DCAF4: variants seen among roughly 807,000 people sequenced by gnomAD.
The protein encoded by DCAF4 is DDB1 and CUL4 associated factor 4.
A neutral mutation model predicts 60.9 loss-of-function variants in DCAF4; 37 were observed. The observed-to-expected ratio is 0.61, with a 90% confidence interval of 0.47 to 0.80. The LOEUF is 0.80. DCAF4 is among the 30% of genes least tolerant of loss of function. DCAF4 has a pLI of 0.00. For synonymous variants in DCAF4, 243 were observed against 254.8 expected, an observed-to-expected ratio of 0.95 and a Z score of 0.44; for missense variants, 577 against 650.0, an observed-to-expected ratio of 0.89 and a Z score of 1.22.
chr14:72,939,739 C>A, intron 2 of DCAF4, 63 bp from the exon 3 acceptor site: 2 of 1,437,404 alleles, frequency 1.4e-6, no homozygotes, highest in Non-Finnish European at 1.9e-6. Context: ...GACTCCCTGC[C>A]CCCGTCAGAA....
At chr14:72,956,825 G>T in intron 13 of DCAF4, 1 of 299,936 alleles carries the variant, frequency 3.3e-6, no homozygotes, top group East Asian at 1.1e-4. Context: ...ATTCCACCAC[G>T]CAACTATCTT....
intron 1 of DCAF4, among the ~76,000 whole-genome samples, chr14:72,928,636 T>G (rs1888050502): frequency 6.6e-6 from 1 of 150,736 alleles, no homozygotes; most frequent in African/African-American, 2.4e-5. Flanking sequence ...ACCCTAAAAT[T>G]AACTTTTTTA....
intron 5 of DCAF4, 149 bp from the exon 6 acceptor site, chr14:72,942,845 A>C (rs1890226809): frequency 1.5e-6 from 1 of 656,724 alleles, no homozygotes; most frequent in Non-Finnish European, 2.6e-6. Flanking sequence ...ATAATCTGGG[A>C]TCTTGCTCAG....
At chr14:72,942,734 G>A (rs1890211494) in intron 5 of DCAF4, 1 of 468,302 alleles carries the variant, frequency 2.1e-6, no homozygotes, top group African/African-American at 2.0e-5. Flanking sequence ...GAATGATGCA[G>A]ACACAACTCC....
chr14:72,950,925 AGAG>A (rs1201387213), intron 8 of DCAF4, among the ~76,000 whole-genome samples: 2 of 152,128 alleles, frequency 1.3e-5, no homozygotes, highest in Non-Finnish European at 1.5e-5. Context: ...CTCTCTGAGT[AGAG>A]GAGAAGGGAG....
At chr14:72,953,764 G>A (rs2806035) in intron 9 of DCAF4, among the ~76,000 whole-genome samples, 29 of 19,060 alleles carry the variant, frequency 1.5e-3, no homozygotes, top group Non-Finnish European at 2.5e-3. Flanking sequence ...TATATATATA[G>A]TTTATTTATT....
At position 72,959,407 on chromosome 14, in the gene DCAF4, ATCT is replaced by A; in HGVS notation, c.*607_*609del. On this transcript the variant is annotated 3_prime_UTR_variant, in exon 14 of 14. Transcript: ENST00000358377. ...CCAAAGGCGTTGGAAGGAAAGATGG[ATCT>A]TCTTACATGCTAGAAGTTTTAAACG... is the stretch of plus-strand genomic sequence containing the variant. The A allele has an allele frequency of 2.0e-6, 2 of 985,460 alleles. No homozygotes were observed. Among genetic ancestry groups the A allele is most frequent in the Non-Finnish European group, 2.4e-6 (2 of 829,958 alleles). 61.0% of individuals were successfully genotyped at this position (985,460 alleles called of 1,614,324 possible). A position where few individuals can be genotyped will look rare whatever the true frequency, so the allele number is the denominator to read the frequency against.
rs751963920 is a variant in DCAF4 at position 72,947,121 on chromosome 14, C to T, written c.679-21C>T. ...ATTACTGTAGAATAACTTTCCATCT[C>T]GCTGTGTGCTTCCTCACCAGGTGAA... On this transcript the variant is annotated intron_variant, in intron 7 of 13. Coordinates refer to ENST00000358377, the MANE Select transcript of DCAF4 (RefSeq NM_015604.4). 27 of 1,614,106 alleles carry T rather than the reference C, an allele frequency of 1.7e-5. No homozygotes were observed. In the South Asian group the frequency reaches 2.4e-4, roughly 14 times the overall value.
Position 72,955,627 on chromosome 14 carries a change from T to A in DCAF4, c.1110T>A (p.Asp370Glu). 6 of 1,614,206 alleles carry A rather than the reference T, an allele frequency of 3.7e-6. No individual in the cohort carries two copies. The highest frequency in any genetic ancestry group is 5.1e-6 in the Non-Finnish European group (6 of 1,180,030). ...KGWKATRLFH[D>E]SAVTSVRILQ... Reference sequence around the variant, plus strand: ...GGAAGGCCACCCGCCTGTTTCATGATTCAGCAGTGACCTCTGTGCGGATCC... The same window carrying A: ...GGAAGGCCACCCGCCTGTTTCATGAATCAGCAGTGACCTCTGTGCGGATCC... Residue 370 changes from aspartate to glutamate, a missense_variant, in exon 12 of 14, where the codon GAT (aspartate) becomes GAA (glutamate). By Grantham distance (45) the Asp-to-Glu change is conservative. Transcript: ENST00000358377.
intron 9 of DCAF4, among the ~76,000 whole-genome samples, chr14:72,953,390 G>A (rs1037139133): frequency 7.3e-5 from 11 of 151,690 alleles, no homozygotes; most frequent in African/African-American, 1.7e-4. Flanking sequence ...CAATCTGTAC[G>A]TTCTATCAAT....
Position 72,959,677 on chromosome 14 carries a change from CTT to C in DCAF4, c.*873_*874del, listed in dbSNP as rs762047938. The C allele has an allele frequency of 2.9e-5, 29 of 984,848 alleles. No homozygotes were observed. The highest frequency in any genetic ancestry group is 5.2e-4 in the Middle Eastern group (1 of 1,914). The allele number at this position is 984,848 out of a possible 1,614,324, so 61.0% of individuals were successfully genotyped here. On this transcript the variant is annotated 3_prime_UTR_variant, in exon 14 of 14. Transcript: ENST00000358377. ...GTGTGACATGCACTTCTGTGAATGA[CTT>C]AGGAGATCATGAGCTTGGGCTGCTG...
intron 7 of DCAF4, among the ~76,000 whole-genome samples, 197 bp downstream of exon 7, chr14:72,946,224 C>G (rs916018799): frequency 9.4e-5 from 13 of 138,106 alleles, no homozygotes; most frequent in Non-Finnish European, 1.7e-4. Flanking sequence ...AACCTTGTCT[C>G]TACAAAAAAA....
Position 72,943,030 on chromosome 14 carries a change from GA to G in DCAF4, c.473del (p.Lys158ArgfsTer32). On this transcript the variant is annotated frameshift_variant, in exon 6 of 14. Transcript: ENST00000358377. LOFTEE classifies it high-confidence loss of function. ...AGCTGCGTCTCAGCTGCATGGAGAG[GA>G]AAAAGGTCCAGATTCGAAGCATGGA... Reference protein sequence around the residue: ...HELRLSCMERKKVQIRSMDPS... With the variant: ...HELRLSCMERXKVQIRSMDPS... 6.2e-7 allele frequency: 1 copy of G among 1,614,148 alleles called. No individual in the cohort carries two copies. The highest frequency in any genetic ancestry group is 1.3e-5 in the African/African-American group (1 of 75,036).
Position 72,946,045 on chromosome 14 carries a change from G to C in DCAF4, c.678+18G>C. On this transcript the variant is annotated intron_variant, in intron 7 of 13. Coordinates refer to ENST00000358377, the MANE Select transcript of DCAF4 (RefSeq NM_015604.4). ...ACCGGAAGGTACGTTGCCCATCCCT[G>C]TAGCCTCTCTGCACACTTGACCCTG... 6.2e-7 allele frequency: 1 copy of C among 1,612,786 alleles called. No individual in the cohort carries two copies. The highest frequency in any genetic ancestry group is 8.5e-7 in the Non-Finnish European group (1 of 1,179,874).
intron 1 of DCAF4, among the ~76,000 whole-genome samples, chr14:72,933,327 G>A (rs1030749037): frequency 2.6e-5 from 4 of 152,136 alleles, no homozygotes; most frequent in Admixed American, 6.5e-5. Flanking sequence ...TTGGGAGGCC[G>A]AGATGGGCAG....
At chr14:72,941,680 A>G (rs1168585979) in intron 4 of DCAF4, 65 bp from the exon 5 acceptor site, 2 of 1,490,942 alleles carry the variant, frequency 1.3e-6, no homozygotes, top group Non-Finnish European at 1.9e-6. Flanking sequence ...AACTAAAAAC[A>G]TTCTCCATCA....
At chr14:72,931,985 C>CTTT (rs1567294693) in intron 1 of DCAF4, among the ~76,000 whole-genome samples, 2 of 139,162 alleles carry the variant, frequency 1.4e-5, no homozygotes, top group Admixed American at 8.5e-5. Context: ...TATATTTTTC[C>CTTT]TTCTTTTTTT....
chr14:72,928,494 C>T (rs992462673), intron 1 of DCAF4, among the ~76,000 whole-genome samples: 28 of 151,046 alleles, frequency 1.9e-4, no homozygotes, highest in African/African-American at 6.6e-4. Flanking sequence ...CGCGCCCGGC[C>T]AGTCTACAGA....
In DCAF4 at chr14:72,959,095, A is replaced by G. The variant is rs1486165663; in HGVS notation, c.*290A>G. On this transcript the variant is annotated 3_prime_UTR_variant, in exon 14 of 14. Transcript: ENST00000358377. The stretch of plus-strand genomic sequence containing the variant: ...AACCCTCCCTGCCTTTTCTTAACAA[A>G]AAGGACTTTTCTAAGGACTGAAGAT... The G allele has an allele frequency of 9.1e-7, 1 of 1,093,570 alleles. No homozygotes were observed. The highest frequency in any genetic ancestry group is 1.6e-5 in the African/African-American group (1 of 60,920). 67.7% of individuals were successfully genotyped at this position (1,093,570 alleles called of 1,614,324 possible).
Sources: allele counts gnomAD v4.1 joint callset (sites outside exome capture counted in the v4.1 genomes callset), GRCh38; gene constraint gnomAD v4.1.1; transcripts MANE v1.5; gene names NCBI Gene and HGNC (gene_info 2026-07-23, HGNC 2026-07-21).